CAMKMT: variants seen among roughly 807,000 people sequenced by gnomAD.
CAMKMT encodes the protein calmodulin-lysine N-methyltransferase, also known as CaM KMT.
A neutral mutation model predicts 48.0 loss-of-function variants in CAMKMT; 53 were observed. The observed-to-expected ratio is 1.10, with a 90% CI of 0.89 to 1.39. CAMKMT has a LOEUF of 1.39. Among genes scored for constraint, CAMKMT ranks in the 40% most tolerant of loss-of-function variants. The pLI is 0.00. For synonymous variants in CAMKMT, 165 were observed against 152.3 expected (o/e 1.08, Z -0.61); for missense variants, 428 against 402.7 (o/e 1.06, Z -0.54).
At chr2:44,642,323 CAG>C (rs544644948) in intron 3 of CAMKMT, among the ~76,000 whole-genome samples, 35 of 152,236 alleles carry the variant, frequency 2.3e-4, no homozygotes, top group Admixed American at 2.0e-3. Context: ...GCAGAGAAAA[CAG>C]AGGCTCATCT....
chr2:44,626,241 C>T (rs1450252859), intron 3 of CAMKMT, among the ~76,000 whole-genome samples: 1 of 152,134 alleles, frequency 6.6e-6, no homozygotes, highest in Non-Finnish European at 1.5e-5. Context: ...CTTGTACACC[C>T]ACTCCGATGT....
chr2:44,535,690 C>A (rs1011056916), intron 3 of CAMKMT, among the ~76,000 whole-genome samples: 10 of 152,124 alleles, frequency 6.6e-5, no homozygotes, highest in African/African-American at 2.2e-4. Flanking sequence ...ATTCAGCACC[C>A]ATTCATAATA....
intron 8 of CAMKMT, among the ~76,000 whole-genome samples, chr2:44,749,996 G>T (rs940449003): frequency 6.6e-6 from 1 of 152,202 alleles, no homozygotes; most frequent in Non-Finnish European, 1.5e-5. Context: ...GCACAAGGTT[G>T]CTGAGTGTTC....
At chr2:44,374,026 A>T (rs1236184696) in intron 2 of CAMKMT, among the ~76,000 whole-genome samples, 2 of 141,448 alleles carry the variant, frequency 1.4e-5, no homozygotes, top group Non-Finnish European at 3.0e-5. Context: ...CCAGAGGCTG[A>T]GGTGGAAAGA....
intron 3 of CAMKMT, among the ~76,000 whole-genome samples, chr2:44,498,462 C>T (rs890989939): frequency 3.3e-5 from 5 of 152,140 alleles, no homozygotes; most frequent in African/African-American, 4.8e-5. Context: ...ACATTCTCTA[C>T]GTAAGGTTAA....
intron 3 of CAMKMT, among the ~76,000 whole-genome samples, chr2:44,536,761 G>C (rs1018337847): frequency 6.6e-6 from 1 of 152,090 alleles, no homozygotes; most frequent in Non-Finnish European, 1.5e-5. Flanking sequence ...TGACTTTAAA[G>C]TATATTACAA....
chr2:44,638,687 C>A (rs6717427), intron 3 of CAMKMT, among the ~76,000 whole-genome samples: 18,383 of 152,168 alleles, frequency 0.12, 1,320 homozygotes, highest in Admixed American at 0.22. Flanking sequence ...TTTTGGCCAC[C>A]TGTTTATAAC....
chr2:44,534,352 C>CA (rs1271754120), intron 3 of CAMKMT, among the ~76,000 whole-genome samples: 1 of 152,106 alleles, frequency 6.6e-6, no homozygotes, highest in Non-Finnish European at 1.5e-5. Context: ...AACAACGAGA[C>CA]ATTGGGTTTA....
At chr2:44,489,133 G>T (rs1474815131) in intron 3 of CAMKMT, among the ~76,000 whole-genome samples, 1 of 151,764 alleles carries the variant, frequency 6.6e-6, no homozygotes. Context: ...GCCTCCCAAA[G>T]TTCTGGGATT....
intron 7 of CAMKMT, among the ~76,000 whole-genome samples, chr2:44,736,720 G>T (rs1313074897): frequency 1.3e-5 from 2 of 151,626 alleles, no homozygotes; most frequent in Non-Finnish European, 2.9e-5. Context: ...ATTTCATTTT[G>T]GATAGTTTCT....
Position 44,456,535 on chromosome 2 carries a change from C to T in CAMKMT, c.376+66230C>T, listed in dbSNP as rs1667571789. The T allele has an allele frequency of 1.9e-6, 3 of 1,546,276 alleles. No homozygotes were observed. The South Asian group carries it at 3.6e-5, about 19-fold the overall frequency. Reference sequence around the variant, plus strand: ...AAAGCTTTAACTACAGCCAAGTTTACCTTTTCTATACATGTCATCCTTTCT... The same window carrying T: ...AAAGCTTTAACTACAGCCAAGTTTATCTTTTCTATACATGTCATCCTTTCT... On this transcript the variant is annotated intron_variant, in intron 3 of 10. Transcript: ENST00000378494.
At chr2:44,519,752 T>G (rs1332372473) in intron 3 of CAMKMT, among the ~76,000 whole-genome samples, 3 of 152,170 alleles carry the variant, frequency 2.0e-5, no homozygotes, top group Non-Finnish European at 4.4e-5. Context: ...CATGCACTAT[T>G]TCATTTGGTC....
intron 2 of CAMKMT, among the ~76,000 whole-genome samples, chr2:44,382,116 A>G (rs1680310192): frequency 6.6e-6 from 1 of 151,586 alleles, no homozygotes; most frequent in South Asian, 2.1e-4. Flanking sequence ...TAATTTTTGT[A>G]TTTTTAGTAG....
chr2:44,631,155 C>T (rs1053567550), intron 3 of CAMKMT, among the ~76,000 whole-genome samples: 3 of 152,070 alleles, frequency 2.0e-5, no homozygotes, highest in African/African-American at 7.2e-5. Context: ...GAACAAAAAA[C>T]CAAACACCAT....
chr2:44,450,490 G>A (rs1667233244), intron 3 of CAMKMT, among the ~76,000 whole-genome samples: 1 of 152,102 alleles, frequency 6.6e-6, no homozygotes, highest in South Asian at 2.1e-4. Context: ...AACCTTAAAA[G>A]GGGTTATGAA....
intron 3 of CAMKMT, among the ~76,000 whole-genome samples, chr2:44,646,932 T>C (rs1393834175): frequency 6.6e-6 from 1 of 152,190 alleles, no homozygotes; most frequent in Non-Finnish European, 1.5e-5. Flanking sequence ...AGTTGGAAGG[T>C]GAAAGTGATA....
chr2:44,403,602 T>A (rs1052184027), intron 3 of CAMKMT, among the ~76,000 whole-genome samples: 4 of 152,218 alleles, frequency 2.6e-5, no homozygotes, highest in African/African-American at 9.6e-5. Flanking sequence ...CTTCATTTTG[T>A]TTCTAAATGT....
chr2:44,707,508 T>G (rs1040216903), intron 6 of CAMKMT, 46 bp downstream of exon 6: 1 of 1,526,290 alleles, frequency 6.6e-7, no homozygotes, highest in Admixed American at 1.8e-5. Flanking sequence ...CTCATTCCTT[T>G]TTCCTGGCTG....
intron 3 of CAMKMT, 123 bp downstream of exon 3, chr2:44,390,428 A>G: frequency 3.3e-6 from 2 of 603,942 alleles, no homozygotes; most frequent in South Asian, 2.6e-5. Context: ...TGTATATATA[A>G]TAGAAAGTTT....
Sources: allele counts gnomAD v4.1 joint callset (sites outside exome capture counted in the v4.1 genomes callset), GRCh38; gene constraint gnomAD v4.1.1; transcripts MANE v1.5; gene names NCBI Gene and HGNC (gene_info 2026-07-23, HGNC 2026-07-21).